MAP2K5: variants seen among roughly 807,000 people sequenced by gnomAD.
The protein encoded by MAP2K5 is mitogen-activated protein kinase kinase 5.
MAP2K5 carries 49 observed loss-of-function variants against 83.1 expected under a neutral mutation model. The ratio of observed to expected loss-of-function variants is 0.59; its 90% CI spans 0.47 to 0.75. The LOEUF is 0.75. MAP2K5 is among the 30% of genes least tolerant of loss of function. The pLI, the probability that MAP2K5 is intolerant of heterozygous loss-of-function variation, is 0.00. For missense variants in MAP2K5, 457 were observed against 557.5 expected, an observed-to-expected ratio of 0.82 and a Z score of 1.82; for synonymous variants, 202 against 191.8, an observed-to-expected ratio of 1.05 and a Z score of -0.44.
At position 67,757,249 on chromosome 15, in the gene MAP2K5, G is replaced by T. The variant is rs369874465; in HGVS notation, c.1134+8648G>T. Among the ~76,000 whole-genome samples the T allele has an allele frequency of 6.6e-6, 1 of 152,160 alleles. No individual in the cohort carries two copies. Among genetic ancestry groups the T allele is most frequent in the African/African-American group, 2.4e-5 (1 of 41,424 alleles). ...TTTGTAATAGCCATCCTAACAAAATGTGAGGTGACATTTCATTGTGGTTTT... is the reference window on the plus strand; with the variant it reads ...TTTGTAATAGCCATCCTAACAAAATTTGAGGTGACATTTCATTGTGGTTTT... On this transcript the variant is annotated intron_variant, in intron 19 of 21. Transcript: ENST00000178640. This position sits in a 1 kb window ranked among gnomAD's most constrained non-coding sequence, Gnocchi z 4.9.
Position 67,646,273 on chromosome 15 carries a change from A to G in MAP2K5, c.628A>G (p.Met210Val), listed in dbSNP as rs939811895. The part of the protein sequence containing the change: ...DITLELQKQI[M>V]SELEILYKCD... ...TACACTGGAACTTCAGAAGCAAATTATGTCTGAATTGGAAATTCTTTATAA... is the reference window on the plus strand; with the variant it reads ...TACACTGGAACTTCAGAAGCAAATTGTGTCTGAATTGGAAATTCTTTATAA... Residue 210 changes from methionine (M) to valine (V), a missense_variant, in exon 10 of 22, where the codon ATG (methionine) becomes GTG (valine). By Grantham distance (21) the Met-to-Val change is conservative. Transcript: ENST00000178640. 5 of 1,449,224 alleles carry G rather than the reference A, an allele frequency of 3.5e-6. No individual in the cohort carries two copies. The highest frequency in any genetic ancestry group is 2.4e-5 in the South Asian group (2 of 83,516). 89.8% of individuals were successfully genotyped at this position (1,449,224 alleles called of 1,614,324 possible).
At chr15:67,795,860 C>T (rs1209398340) in intron 21 of MAP2K5, among the ~76,000 whole-genome samples, 1 of 152,120 alleles carries the variant, frequency 6.6e-6, no homozygotes, top group Non-Finnish European at 1.5e-5. Context: ...TCCTTGCATT[C>T]CTGTCCATTT....
At chr15:67,617,885 G>T (rs888772311) in intron 8 of MAP2K5, among the ~76,000 whole-genome samples, 1 of 151,996 alleles carries the variant, frequency 6.6e-6, no homozygotes, top group Non-Finnish European at 1.5e-5. Flanking sequence ...TTGAGATGAG[G>T]TATCATCTAT....
Position 67,563,769 on chromosome 15 carries a change from C to T in MAP2K5, c.252+419C>T, listed in dbSNP as rs2084786331. On this transcript the variant is annotated intron_variant, in intron 3 of 21. Coordinates refer to ENST00000178640, the MANE Select transcript of MAP2K5 (RefSeq NM_145160.3). The surrounding 1 kb of genome is among the most constrained non-coding windows in gnomAD (Gnocchi z 4.5). ...TGTAGCTGCAGGCTTAATATGGATA[C>T]ACGATTTAAAGATGTACTGTTGGTT... Among the ~76,000 whole-genome samples, 1 of 152,042 alleles carries T rather than the reference C, an allele frequency of 6.6e-6. No homozygotes were observed. The highest frequency in any genetic ancestry group is 1.5e-5 in the Non-Finnish European group (1 of 67,994).
chr15:67,805,817 C>T (rs1163946716), intron 21 of MAP2K5, among the ~76,000 whole-genome samples: 2 of 152,236 alleles, frequency 1.3e-5, no homozygotes, highest in South Asian at 2.1e-4. Flanking sequence ...AGGCTTTTCA[C>T]TTTTCCTTTC....
At chr15:67,718,274 GGAAGC>G (rs2088872851) in intron 16 of MAP2K5, 1 of 152,178 alleles carries the variant, frequency 6.6e-6, no homozygotes, top group South Asian at 2.1e-4. Flanking sequence ...GTTTAGAACT[GGAAGC>G]CCCCAAAGCT....
intron 9 of MAP2K5, among the ~76,000 whole-genome samples, chr15:67,643,456 A>AT (rs990327890): frequency 2.3e-4 from 34 of 149,152 alleles, no homozygotes; most frequent in Admixed American, 9.3e-4. Flanking sequence ...AAACTCTTTT[A>AT]TTTTTTTTGA....
At chr15:67,715,124 G>A (rs1442412224) in intron 16 of MAP2K5, among the ~76,000 whole-genome samples, 1 of 152,086 alleles carries the variant, frequency 6.6e-6, no homozygotes, top group Non-Finnish European at 1.5e-5. Flanking sequence ...TCCCACTGAA[G>A]GATGCTGAGG....
chr15:67,757,147 AT>A lies in MAP2K5; in HGVS notation c.1134+8549del, dbSNP rs1303452251. Among the ~76,000 whole-genome samples the A allele has an allele frequency of 1.3e-5, 2 of 152,014 alleles. No individual in the cohort carries two copies. Among genetic ancestry groups the A allele is most frequent in the Non-Finnish European group, 2.9e-5 (2 of 68,014 alleles). Reference sequence around the variant, plus strand: ...GCTGTTTTCCATAATGGCTATACCAATTTACATTCCCATGAACAGTGTATAA... The same window carrying A: ...GCTGTTTTCCATAATGGCTATACCAATTACATTCCCATGAACAGTGTATAA... On this transcript the variant is annotated intron_variant, in intron 19 of 21. Coordinates refer to ENST00000178640, the MANE Select transcript of MAP2K5 (RefSeq NM_145160.3). The surrounding 1 kb of genome is among the most constrained non-coding windows in gnomAD (Gnocchi z 4.9).
intron 8 of MAP2K5, among the ~76,000 whole-genome samples, chr15:67,607,442 T>C (rs542555018): frequency 8.5e-5 from 13 of 152,320 alleles, no homozygotes; most frequent in African/African-American, 2.6e-4. Context: ...TCTCTGTACC[T>C]TTCCCACCTT....
At chr15:67,792,732 A>G (rs1208578567) in intron 21 of MAP2K5, among the ~76,000 whole-genome samples, 2 of 152,172 alleles carry the variant, frequency 1.3e-5, no homozygotes, top group East Asian at 1.9e-4. Context: ...GCTCTGTGAG[A>G]TATTTCTTTT....
chr15:67,605,582 G>A (rs1306568263), intron 8 of MAP2K5, among the ~76,000 whole-genome samples: 1 of 152,086 alleles, frequency 6.6e-6, no homozygotes, highest in Non-Finnish European at 1.5e-5. Context: ...GGACAGCTGG[G>A]TTAAGCCCAT....
Position 67,561,813 on chromosome 15 carries a change from G to C in MAP2K5, c.185-1470G>C, listed in dbSNP as rs947534059. On this transcript the variant is annotated intron_variant, in intron 2 of 21. Coordinates refer to ENST00000178640, the MANE Select transcript of MAP2K5 (RefSeq NM_145160.3). The surrounding 1 kb of genome is among the most constrained non-coding windows in gnomAD (Gnocchi z 4.2). ...GTGAAAGAACACAAGCTTCCTCCTA[G>C]GGTCCCCATAGCCTAGTCACCAAGC... Among the ~76,000 whole-genome samples, 3 of 152,100 alleles carry C rather than the reference G, an allele frequency of 2.0e-5. No homozygotes were observed. Among genetic ancestry groups the C allele is most frequent in the Admixed American group, 6.5e-5 (1 of 15,274 alleles).
Position 67,679,844 on chromosome 15 carries a change from A to G in MAP2K5, c.848-12635A>G, listed in dbSNP as rs532276190. ...ACAGCTTTATTGATATATAATTTGC[A>G]TGCCATAAAATTCATCTACTCAATT... On this transcript the variant is annotated intron_variant, in intron 13 of 21. Transcript: ENST00000178640. 1.2e-3 allele frequency: 187 copies of G among 152,364 alleles called. 1 individual carries two copies. Among genetic ancestry groups the G allele is most frequent in the African/African-American group, 4.2e-3 (174 of 41,584 alleles). The allele number at this position is 152,364 out of a possible 1,614,324, so 9.4% of individuals were successfully genotyped here. A position where few individuals can be genotyped will look rare whatever the true frequency, so the allele number is the denominator to read the frequency against.
At chr15:67,611,861 TC>T (rs1240666327) in intron 8 of MAP2K5, among the ~76,000 whole-genome samples, 1 of 152,154 alleles carries the variant, frequency 6.6e-6, no homozygotes, top group Non-Finnish European at 1.5e-5. Flanking sequence ...CAGATATACT[TC>T]AGCTGTACTT....
At chr15:67,642,885 G>A (rs536382505) in intron 9 of MAP2K5, among the ~76,000 whole-genome samples, 53 of 152,276 alleles carry the variant, frequency 3.5e-4, no homozygotes, top group Admixed American at 1.2e-3. Flanking sequence ...TAGCAATGTG[G>A]AATCATGTCA....
intron 8 of MAP2K5, among the ~76,000 whole-genome samples, chr15:67,625,196 A>C (rs2086289901): frequency 6.6e-6 from 1 of 152,232 alleles, no homozygotes; most frequent in Non-Finnish European, 1.5e-5. Flanking sequence ...ATGAAATAAG[A>C]AAGTATGGAT....
Position 67,693,561 on chromosome 15 carries a change from A to G in MAP2K5, c.965A>G (p.Tyr322Cys), listed in dbSNP as rs2088168269. 6.2e-7 allele frequency: 1 copy of G among 1,610,996 alleles called. No homozygotes were observed. Among genetic ancestry groups the G allele is most frequent in the Non-Finnish European group, 8.5e-7 (1 of 1,177,762 alleles). The change falls in exon 15 of 22, where the codon TAT becomes TGT. Residue 322 changes from tyrosine to cysteine, a missense_variant. By Grantham distance (194) the Tyr-to-Cys change is radical (BLOSUM62 -2). This residue lies in a region of MAP2K5 where 168 missense variants were observed against 263.0 expected (regional missense o/e 0.64). Coordinates refer to ENST00000178640, the MANE Select transcript of MAP2K5 (RefSeq NM_145160.3). The part of the protein sequence containing the change: ...IAKTYVGTNA[Y>C]MAPERISGEQ... ...AAGACGTATGTTGGAACAAATGCTT[A>G]TATGGCGGTAAGTAAACTTATGCAA...
Position 67,637,928 on chromosome 15 carries a change from G to GTGTA in MAP2K5, c.585+7005_585+7008dup, listed in dbSNP as rs2086638509. On this transcript the variant is annotated intron_variant, in intron 9 of 21. Coordinates refer to ENST00000178640, the MANE Select transcript of MAP2K5 (RefSeq NM_145160.3). The surrounding 1 kb of genome is among the most constrained non-coding windows in gnomAD (Gnocchi z 4.5). ...CCTGTTGATGTGTGTGTGAGTGTGT[G>GTGTA]TGTATGTGTGTTTTAGTACCTCTTC... is the stretch of plus-strand genomic sequence containing the variant. Among the ~76,000 whole-genome samples, 1 of 150,696 alleles carries GTGTA rather than the reference G, an allele frequency of 6.6e-6. No homozygotes were observed. Among genetic ancestry groups the GTGTA allele is most frequent in the Non-Finnish European group, 1.5e-5 (1 of 67,514 alleles).
Sources: gnomAD v4.1 joint callset for allele counts (sites outside exome capture counted in the v4.1 genomes callset) on GRCh38, gnomAD v4.1.1 for gene constraint, gnomAD v4.1.1 regional missense constraint, Gnocchi (gnomAD v3.1) non-coding constraint, MANE v1.5 for transcripts, NCBI Gene and HGNC (gene_info 2026-07-23, HGNC 2026-07-21) for gene names.